COL6A3: variants seen among roughly 807,000 people sequenced by gnomAD.
The protein encoded by COL6A3 is collagen type VI alpha 3 chain.
In COL6A3, 137 loss-of-function variants were observed where a neutral mutation model predicts 274.1. That is an observed-to-expected ratio of 0.50 (90% CI 0.44 to 0.58). The LOEUF (loss-of-function observed/expected upper bound fraction) is 0.58. Among genes scored for constraint, COL6A3 ranks in the 20% least tolerant of loss-of-function variants. COL6A3 has a pLI of 0.00. For missense variants in COL6A3, 3,950 were observed against 4,124.9 expected (o/e 0.96, Z 1.16); for synonymous variants, 1,650 against 1,650.6 (o/e 1.00, Z 0.01).
Position 237,407,926 on chromosome 2 carries a change from T to A in COL6A3, c.-31+6027A>T, listed in dbSNP as rs1174057725. Among the ~76,000 whole-genome samples the A allele has an allele frequency of 6.6e-6, 1 of 152,236 alleles. No individual in the cohort carries two copies. Among genetic ancestry groups the A allele is most frequent in the Non-Finnish European group, 1.5e-5 (1 of 68,046 alleles). ...AAATGCCCACTCCATTCCAACTCCTTGCCACGTGACGCTGCTGGATCCAAA... is the reference window on the plus strand; with the variant it reads ...AAATGCCCACTCCATTCCAACTCCTAGCCACGTGACGCTGCTGGATCCAAA... On this transcript the variant is annotated intron_variant, in intron 1 of 43. Transcript: ENST00000295550. This position sits in a 1 kb window ranked among gnomAD's most constrained non-coding sequence, Gnocchi z 4.3.
chr2:237,366,597 A>G (rs2077558279), intron 11 of COL6A3, 90 bp downstream of exon 11: 13 of 1,597,240 alleles, frequency 8.1e-6, no homozygotes, highest in Non-Finnish European at 1.1e-5. Flanking sequence ...ATGCCTAAGG[A>G]CTCCAGAGGT....
intron 9 of COL6A3, 120 bp from the exon 10 acceptor site, chr2:237,369,297 G>T: frequency 7.3e-7 from 1 of 1,360,944 alleles, no homozygotes; most frequent in Non-Finnish European, 1.0e-6. Flanking sequence ...AGATGCCTGT[G>T]TTGTTTGTAT....
intron 43 of COL6A3, 83 bp from the exon 44 acceptor site, chr2:237,324,897 G>A (rs932697544): frequency 5.6e-5 from 78 of 1,404,462 alleles, no homozygotes; most frequent in Non-Finnish European, 7.8e-5. Flanking sequence ...ACCCAAAAGG[G>A]CACTGTCATT....
chr2:237,333,233 C>G (rs1700356107), intron 42 of COL6A3: 1 of 603,920 alleles, frequency 1.7e-6, no homozygotes, highest in Non-Finnish European at 3.0e-6. Context: ...CACCTCCCAT[C>G]AAATTTTCAC....
intron 9 of COL6A3, among the ~76,000 whole-genome samples, chr2:237,370,248 T>G (rs1248553114): frequency 6.6e-6 from 1 of 151,444 alleles, no homozygotes; most frequent in Non-Finnish European, 1.5e-5. Context: ...TAATTTTTTT[T>G]TTTTTTTTTA....
chr2:237,407,527 G>C lies in COL6A3; in HGVS notation c.-31+6426C>G, dbSNP rs764886617. On this transcript the variant is annotated intron_variant, in intron 1 of 43. Transcript: ENST00000295550. This position sits in a 1 kb window ranked among gnomAD's most constrained non-coding sequence, Gnocchi z 4.3. ...ACCAATGCCCTCCCTCTGTGAATGA[G>C]AGCACCTGTAAGAATATGCCGACCT... is the stretch of plus-strand genomic sequence containing the variant. 1.3e-5 allele frequency among the ~76,000 whole-genome samples: 2 copies of C among 152,222 alleles called. No homozygotes were observed. The highest frequency in any genetic ancestry group is 2.4e-5 in the African/African-American group (1 of 41,456).
chr2:237,396,737 C>T lies in COL6A3; in HGVS notation c.81G>A (p.Gln27=), dbSNP rs542517093. 2.5e-6 allele frequency: 4 copies of T among 1,614,124 alleles called. No individual in the cohort carries two copies. The highest frequency in any genetic ancestry group is 1.3e-5 in the African/African-American group (1 of 75,062). ...GTTTCTGGCTCTTACCTGCTTGCTG[C>T]TGCTGGGCATGAGTTGTAGGAAAGC... The part of the protein sequence containing the change: ...LSGFPTTHAQ[Q]QQADVKNGAA... The change falls in exon 2 of 44, where the codon CAG becomes CAA. Residue 27 remains glutamine, a synonymous_variant. Coordinates refer to ENST00000295550, the MANE Select transcript of COL6A3 (RefSeq NM_004369.4).
At chr2:237,346,627 A>G in intron 31 of COL6A3, 62 bp from the exon 32 acceptor site, 4 of 1,472,686 alleles carry the variant, frequency 2.7e-6, no homozygotes, top group South Asian at 1.1e-5. Context: ...TAAGGCTCCT[A>G]TAGTTGGAAG....
intron 43 of COL6A3, among the ~76,000 whole-genome samples, chr2:237,325,263 A>G (rs1469140862): frequency 2.0e-5 from 3 of 152,194 alleles, no homozygotes; most frequent in Non-Finnish European, 4.4e-5. Context: ...CGTTATCTGT[A>G]GTTGTTCATT....
At chr2:237,358,486 C>G in intron 21 of COL6A3, 35 bp downstream of exon 21, 1 of 1,572,138 alleles carries the variant, frequency 6.4e-7, no homozygotes, top group Non-Finnish European at 8.8e-7. Context: ...CTTCCCCAGG[C>G]TCAGGTCTGA....
At chr2:237,331,501 C>T (rs985501903) in intron 42 of COL6A3, among the ~76,000 whole-genome samples, 4 of 152,044 alleles carry the variant, frequency 2.6e-5, no homozygotes, top group African/African-American at 9.7e-5. Context: ...TTTATTAGGT[C>T]GGTGCGAAAG....
chr2:237,357,916 A>G, intron 21 of COL6A3, 34 bp from the exon 22 acceptor site: 1 of 1,595,162 alleles, frequency 6.3e-7, no homozygotes, highest in Non-Finnish European at 8.6e-7. Flanking sequence ...AATGAGCCAC[A>G]TATGGAAGGA....
At chr2:237,348,773 GT>G in intron 28 of COL6A3, 110 bp from the exon 29 acceptor site, 1 of 914,988 alleles carries the variant, frequency 1.1e-6, no homozygotes, top group Non-Finnish European at 1.8e-6. Context: ...CTCCTGAAAT[GT>G]TTGCAGACTA....
chr2:237,379,105 A>G lies in COL6A3; in HGVS notation c.2028T>C (p.Ile676=). 1 of 1,614,230 alleles carries G rather than the reference A, an allele frequency of 6.2e-7. No individual in the cohort carries two copies. The highest frequency in any genetic ancestry group is 8.5e-7 in the Non-Finnish European group (1 of 1,180,038). ...VNSLDIGNDN[I]RVGLVQFSDT... Reference sequence around the variant, plus strand: ...CACTAAATTGCACTAAACCAACACGAATATTGTCATTTCCAATATCAAGGC... The same window carrying G: ...CACTAAATTGCACTAAACCAACACGGATATTGTCATTTCCAATATCAAGGC... Residue 676 remains isoleucine (I), a synonymous_variant, in exon 6 of 44, where the codon ATT becomes ATC. Coordinates refer to ENST00000295550, the MANE Select transcript of COL6A3 (RefSeq NM_004369.4).
chr2:237,366,671 A>G lies in COL6A3; in HGVS notation c.5500+16T>C. On this transcript the variant is annotated intron_variant, in intron 11 of 43. Coordinates refer to ENST00000295550, the MANE Select transcript of COL6A3 (RefSeq NM_004369.4). The stretch of plus-strand genomic sequence containing the variant: ...CAACAGGAAAGGATGGAAAATATGC[A>G]CATAATGGGAGTTACCTTTGGCAGC... The G allele has an allele frequency of 6.2e-7, 1 of 1,614,242 alleles. No homozygotes were observed. The highest frequency in any genetic ancestry group is 8.5e-7 in the Non-Finnish European group (1 of 1,180,048).
intron 6 of COL6A3, among the ~76,000 whole-genome samples, chr2:237,377,730 A>C (rs964004013): frequency 6.7e-6 from 1 of 148,760 alleles, no homozygotes; most frequent in Non-Finnish European, 1.5e-5. Context: ...TGCTTAAAAA[A>C]ATTGATCTCA....
At position 237,371,883 on chromosome 2, in the gene COL6A3, C is replaced by A. The variant is rs761034667; in HGVS notation, c.4134G>T (p.Leu1378=). ...TIARNADQEE[L]VKISLSPEYV... ...ATTCGGGGCTCAGCGAGATCTTCAC[C>A]AGCTCCTCCTGGTCTGCGTTCCTGG... The change falls in exon 9 of 44, where the codon CTG becomes CTT. Residue 1378 remains leucine, a synonymous_variant. Transcript: ENST00000295550. This position sits in a 1 kb window ranked among gnomAD's most constrained non-coding sequence, Gnocchi z 4.3. 6.2e-7 allele frequency: 1 copy of A among 1,613,792 alleles called. No homozygotes were observed. Among genetic ancestry groups the A allele is most frequent in the South Asian group, 1.1e-5 (1 of 91,052 alleles).
At chr2:237,382,870 C>A (rs2078043473) in intron 4 of COL6A3, among the ~76,000 whole-genome samples, 1 of 152,170 alleles carries the variant, frequency 6.6e-6, no homozygotes, top group Admixed American at 6.5e-5. Context: ...TCACTGCAAC[C>A]TCCGCTTCCT....
chr2:237,326,244 A>AGTGAGTGT, intron 42 of COL6A3: 1 of 150,952 alleles, frequency 6.6e-6, no homozygotes, highest in Non-Finnish European at 1.5e-5. Context: ...ATCCTTTATG[A>AGTGAGTGT]GTGTGTGTGT....
Sources: allele counts gnomAD v4.1 joint callset (sites outside exome capture counted in the v4.1 genomes callset), GRCh38; gene constraint gnomAD v4.1.1; non-coding constraint Gnocchi (gnomAD v3.1); transcripts MANE v1.5; gene names NCBI Gene and HGNC (gene_info 2026-07-23, HGNC 2026-07-21).